The following OTOGL variants were observed in gnomAD, a reference collection of about 807,000 sequenced individuals.
OTOGL encodes otogelin like.
Under a neutral mutation model 318.5 loss-of-function variants are expected in OTOGL, and 285 were observed. That is an observed-to-expected ratio of 0.89 (90% CI 0.81 to 0.99). The LOEUF is 0.99. Ranked by LOEUF, OTOGL falls within the 50% of genes least tolerant of loss-of-function variation. The pLI is 0.00. For missense variants in OTOGL, 2,899 were observed against 2,845.6 expected, an observed-to-expected ratio of 1.02 and a Z score of -0.43; for synonymous variants, 987 against 936.5, an observed-to-expected ratio of 1.05 and a Z score of -0.99.
At chr12:80,190,170 A>C (rs969573355) in intron 1 of OTOGL, among the ~76,000 whole-genome samples, 7 of 152,202 alleles carry the variant, frequency 4.6e-5, no homozygotes, top group African/African-American at 1.7e-4. Context: ...AGGCTGCTTT[A>C]TGCATGCTTA....
chr12:80,162,820 G>GT (rs1179705889), intron 1 of OTOGL, among the ~76,000 whole-genome samples: 158 of 151,762 alleles, frequency 1.0e-3, no homozygotes, highest in African/African-American at 3.6e-3. Flanking sequence ...TCCAATATGG[G>GT]TTTTTTCTTG....
chr12:80,345,507 G>A (rs1889140681), intron 44 of OTOGL, among the ~76,000 whole-genome samples: 1 of 151,876 alleles, frequency 6.6e-6, no homozygotes, highest in Admixed American at 6.6e-5. Flanking sequence ...AAAGTGTTGG[G>A]ATTACAGGTG....
intron 35 of OTOGL, among the ~76,000 whole-genome samples, chr12:80,325,661 A>C (rs1347786356): frequency 6.6e-6 from 1 of 152,248 alleles, no homozygotes; most frequent in Non-Finnish European, 1.5e-5. Context: ...AGAAGTCTTC[A>C]TTCATTTGAG....
chr12:80,261,587 A>G (rs1882529910), intron 18 of OTOGL, among the ~76,000 whole-genome samples: 1 of 152,060 alleles, frequency 6.6e-6, no homozygotes, highest in East Asian at 1.9e-4. Flanking sequence ...ACACATGCTA[A>G]AGTTTTGGTT....
chr12:80,181,302 T>A (rs1874903774), intron 1 of OTOGL, among the ~76,000 whole-genome samples: 1 of 151,474 alleles, frequency 6.6e-6, no homozygotes, highest in South Asian at 2.1e-4. Context: ...CCCTTACCCC[T>A]GTATTTAGAT....
At chr12:80,317,284 C>T (rs1278882252) in intron 32 of OTOGL, among the ~76,000 whole-genome samples, 1 of 152,150 alleles carries the variant, frequency 6.6e-6, no homozygotes, top group Non-Finnish European at 1.5e-5. Context: ...AATTATACTT[C>T]TCCATGCAGA....
At position 80,356,044 on chromosome 12, in the gene OTOGL, A is replaced by G. The variant is rs1249149541; in HGVS notation, c.5806+96A>G. ...GCATATATAATGCTTTGTATTTTTA[A>G]AAAAGGGCCATAAATGTCATTTTCT... On this transcript the variant is annotated intron_variant, in intron 47 of 58. Coordinates refer to ENST00000547103, the MANE Select transcript of OTOGL (RefSeq NM_001378609.3). 4.6e-6 allele frequency: 6 copies of G among 1,315,266 alleles called. No homozygotes were observed. In the African/African-American group the frequency reaches 7.4e-5, roughly 16 times the overall value. The allele number at this position is 1,315,266 out of a possible 1,614,324, so 81.5% of individuals were successfully genotyped here. A position where few individuals can be genotyped will look rare whatever the true frequency, so the allele number is the denominator to read the frequency against.
rs1325781665 is a variant in OTOGL, at chr12:80,261,947, G to A, written c.1890-22G>A. 2.5e-6 allele frequency: 4 copies of A among 1,606,776 alleles called. No homozygotes were observed. The South Asian group carries it at 3.3e-5, about 13-fold the overall frequency. On this transcript the variant is annotated intron_variant, in intron 18 of 58. Transcript: ENST00000547103. ...AAATGAATGAGAGATACATGAAGAT[G>A]AGCATTGTCTTTGCTTTCTAGTTCT...
intron 1 of OTOGL, among the ~76,000 whole-genome samples, chr12:80,127,886 T>C (rs971507863): frequency 6.6e-6 from 1 of 152,218 alleles, no homozygotes; most frequent in Non-Finnish European, 1.5e-5. Flanking sequence ...GGTTTTTAGC[T>C]CCATCAGGTC....
At chr12:80,180,937 A>G (rs1435046537) in intron 1 of OTOGL, among the ~76,000 whole-genome samples, 1 of 152,180 alleles carries the variant, frequency 6.6e-6, no homozygotes, top group Admixed American at 6.5e-5. Context: ...AGTTATCAGT[A>G]TGCTGTAACT....
chr12:80,195,216 A>G (rs1300769209), intron 1 of OTOGL, among the ~76,000 whole-genome samples: 1 of 152,252 alleles, frequency 6.6e-6, no homozygotes, highest in East Asian at 1.9e-4. Context: ...GAAACAGGCC[A>G]TTCTTATCTT....
chr12:80,275,457 C>CA (rs1478973786), intron 24 of OTOGL, among the ~76,000 whole-genome samples: 3 of 151,494 alleles, frequency 2.0e-5, no homozygotes, highest in African/African-American at 7.3e-5. Context: ...TATAGATGAG[C>CA]AAAAAAAGTG....
chr12:80,175,937 CAGATAGGATTTTAAACAGTAA>C (rs1402270966), intron 1 of OTOGL, among the ~76,000 whole-genome samples: 1 of 152,172 alleles, frequency 6.6e-6, no homozygotes, highest in Non-Finnish European at 1.5e-5. Flanking sequence ...TAGTGATGCA[CAGATAGGATTTTAAACAGTAA>C]ATATAGGCAT....
chr12:80,259,714 A>G (rs888216116), intron 18 of OTOGL, among the ~76,000 whole-genome samples: 1 of 152,122 alleles, frequency 6.6e-6, no homozygotes, highest in Non-Finnish European at 1.5e-5. Flanking sequence ...ACAGGAACTC[A>G]TTCTTTTTCA....
intron 1 of OTOGL, among the ~76,000 whole-genome samples, chr12:80,138,701 A>AT (rs1250305400): frequency 5.9e-5 from 9 of 152,186 alleles, no homozygotes; most frequent in Non-Finnish European, 1.2e-4. Flanking sequence ...ATAAAGTCTA[A>AT]TTTTTTAATT....
chr12:80,193,796 T>C (rs1875863512), intron 1 of OTOGL, among the ~76,000 whole-genome samples: 1 of 152,136 alleles, frequency 6.6e-6, no homozygotes, highest in Non-Finnish European at 1.5e-5. Flanking sequence ...TTAAGGAAAG[T>C]CCTTTTGTTT....
intron 1 of OTOGL, among the ~76,000 whole-genome samples, chr12:80,106,567 A>G (rs769148682): frequency 9.9e-5 from 15 of 152,180 alleles, no homozygotes; most frequent in Non-Finnish European, 2.2e-4. Context: ...GGCACATATT[A>G]TAACAGGAGT....
intron 54 of OTOGL, 138 bp from the exon 55 acceptor site, chr12:80,368,067 G>A (rs565398568): frequency 2.4e-4 from 153 of 646,178 alleles, no homozygotes; most frequent in African/African-American, 1.8e-3. Flanking sequence ...ATTATTGGAA[G>A]CTTCTCATAT....
intron 1 of OTOGL, among the ~76,000 whole-genome samples, chr12:80,128,307 C>T (rs1056393072): frequency 6.6e-6 from 1 of 152,216 alleles, no homozygotes; most frequent in African/African-American, 2.4e-5. Flanking sequence ...GAGGTCCACT[C>T]CAGACCCTGT....
Sources: allele counts gnomAD v4.1 joint callset (sites outside exome capture counted in the v4.1 genomes callset), GRCh38; gene constraint gnomAD v4.1.1; transcripts MANE v1.5; gene names NCBI Gene and HGNC (gene_info 2026-07-23, HGNC 2026-07-21).